Variants in MYBL2 observed in about 807,000 individuals in gnomAD.
MYBL2 encodes myb-related protein B.
Under a neutral mutation model 79.9 loss-of-function variants are expected in MYBL2, and 28 were observed. That is an observed-to-expected ratio of 0.35 (90% CI 0.26 to 0.48). The LOEUF (loss-of-function observed/expected upper bound fraction) is 0.48, where lower values mean the gene tolerates loss of function less well. MYBL2 is among the 20% of genes least tolerant of loss of function. The pLI is 0.99. For missense variants in MYBL2, 735 were observed against 893.9 expected, an observed-to-expected ratio of 0.82 and a Z score of 2.27; for synonymous variants, 378 against 361.2, an observed-to-expected ratio of 1.05 and a Z score of -0.53.
chr20:43,678,683 C>A (rs1350014608), intron 2 of MYBL2, among the ~76,000 whole-genome samples: 2 of 151,764 alleles, frequency 1.3e-5, no homozygotes, highest in Admixed American at 1.3e-4. Context: ...ATGGCTGAAT[C>A]CTGTCTCTAC....
intron 6 of MYBL2, among the ~76,000 whole-genome samples, chr20:43,692,780 TA>T (rs1456817487): frequency 6.6e-6 from 1 of 151,846 alleles, no homozygotes; most frequent in Non-Finnish European, 1.5e-5. Context: ...TCTTTTTAAT[TA>T]AAAAAAATTA....
intron 1 of MYBL2, among the ~76,000 whole-genome samples, chr20:43,670,909 T>C (rs891750428): frequency 1.3e-5 from 2 of 151,948 alleles, no homozygotes; most frequent in African/African-American, 4.8e-5. Flanking sequence ...GGGGAAAGAT[T>C]ACTAACTTTC....
intron 2 of MYBL2, among the ~76,000 whole-genome samples, chr20:43,678,951 A>C (rs112724071): frequency 0.029 from 4,425 of 151,634 alleles, 235 homozygotes; most frequent in African/African-American, 0.1. Context: ...GTGCCAGGCA[A>C]GCAAGAGGTG....
At chr20:43,679,673 T>C (rs1189769681) in intron 2 of MYBL2, among the ~76,000 whole-genome samples, 1 of 152,024 alleles carries the variant, frequency 6.6e-6, no homozygotes, top group Non-Finnish European at 1.5e-5. Flanking sequence ...CCCAGCACTT[T>C]GGGAGGCCGA....
At chr20:43,695,788 A>G (rs1987526660) in intron 6 of MYBL2, among the ~76,000 whole-genome samples, 1 of 152,146 alleles carries the variant, frequency 6.6e-6, no homozygotes, top group East Asian at 1.9e-4. Context: ...CAACAGAGTG[A>G]GACTCTGTCT....
Position 43,687,036 on chromosome 20 carries a change from A to G in MYBL2, c.464A>G (p.Asn155Ser). The G allele has an allele frequency of 6.2e-7, 1 of 1,613,472 alleles. No homozygotes were observed. The highest frequency in any genetic ancestry group is 8.5e-7 in the Non-Finnish European group (1 of 1,179,982). ...TGCGAGGCCCACAAGGTGCTGGGCA[A>G]CCGCTGGGCCGAGATCGCCAAGATG... ...IICEAHKVLGNRWAEIAKMLP... is the reference protein window; with the variant it reads ...IICEAHKVLGSRWAEIAKMLP... The change falls in exon 5 of 14, where the codon AAC (asparagine) becomes AGC (serine). Residue 155 changes from asparagine (N) to serine (S), a missense_variant. Physicochemically the swap from Asn to Ser is conservative, Grantham distance 46 (BLOSUM62 1). Transcript: ENST00000217026.
chr20:43,685,835 C>T (rs1987260135), intron 4 of MYBL2, among the ~76,000 whole-genome samples: 1 of 151,782 alleles, frequency 6.6e-6, no homozygotes, highest in Non-Finnish European at 1.5e-5. Context: ...GTCGGGAGTT[C>T]AAGACCAGCC....
At chr20:43,679,269 GTTGTGACCAATTTTTCT>G (rs1312452812) in intron 2 of MYBL2, among the ~76,000 whole-genome samples, 1 of 152,128 alleles carries the variant, frequency 6.6e-6, no homozygotes, top group Non-Finnish European at 1.5e-5. Flanking sequence ...CGTGGGCCAC[GTTGTGACCAATTTTTCT>G]GTCTAGGAGC....
Position 43,692,259 on chromosome 20 carries a change from C to T in MYBL2, c.603C>T (p.Tyr201=). ...CCAAAGACTGCAAGCCCCCAGTGTA[C>T]TTGCTGCTGGAGCTCGAGGACAAGG... ...SESKDCKPPV[Y]LLLELEDKDG... Residue 201 remains tyrosine, a synonymous_variant, in exon 6 of 14, where the codon TAC becomes TAT. Transcript: ENST00000217026. The T allele has an allele frequency of 6.2e-7, 1 of 1,614,220 alleles. No individual in the cohort carries two copies. Among genetic ancestry groups the T allele is most frequent in the Non-Finnish European group, 8.5e-7 (1 of 1,180,034 alleles).
intron 5 of MYBL2, among the ~76,000 whole-genome samples, chr20:43,691,842 A>ATT (rs879641028): frequency 2.1e-5 from 3 of 142,744 alleles, no homozygotes; most frequent in African/African-American, 5.1e-5. Flanking sequence ...GCACTCGGCA[A>ATT]TTTTTTTTTT....
chr20:43,686,535 C>T (rs1987277240), intron 4 of MYBL2, among the ~76,000 whole-genome samples: 1 of 152,176 alleles, frequency 6.6e-6, no homozygotes, highest in Admixed American at 6.5e-5. Flanking sequence ...GGGTTGAGCC[C>T]TGGAGAGGGA....
rs112903098 is a variant in MYBL2 at position 43,711,401 on chromosome 20, C to T, written c.1606-87C>T. ...CCTTCCTGCCTTACCCAGGACAGCC[C>T]AGTTGCAGCTGGGTTGGTCCCACAG... On this transcript the variant is annotated intron_variant, in intron 10 of 13. Transcript: ENST00000217026. 168 of 969,302 alleles carry T rather than the reference C, an allele frequency of 1.7e-4. 1 individual carries two copies. In the African/African-American group the frequency reaches 2.1e-3, roughly 12 times the overall value. The allele number at this position is 969,302 out of a possible 1,614,324, so 60.0% of individuals were successfully genotyped here.
At chr20:43,705,945 CT>C (rs1987772959) in intron 9 of MYBL2, among the ~76,000 whole-genome samples, 1 of 152,126 alleles carries the variant, frequency 6.6e-6, no homozygotes, top group African/African-American at 2.4e-5. Flanking sequence ...CGTGATCCTC[CT>C]GCCTCAGCCT....
At chr20:43,694,597 T>C (rs1373018379) in intron 6 of MYBL2, among the ~76,000 whole-genome samples, 2 of 152,234 alleles carry the variant, frequency 1.3e-5, no homozygotes, top group African/African-American at 4.8e-5. Context: ...CTCTATTTCT[T>C]GAATTTTCAA....
chr20:43,710,486 C>G (rs1196523645), intron 10 of MYBL2, among the ~76,000 whole-genome samples: 1 of 152,216 alleles, frequency 6.6e-6, no homozygotes, highest in African/African-American at 2.4e-5. Flanking sequence ...GGACGTCTTT[C>G]CTGCAGTGTG....
intron 2 of MYBL2, among the ~76,000 whole-genome samples, chr20:43,675,613 G>A (rs1433166470): frequency 1.3e-5 from 2 of 151,906 alleles, no homozygotes; most frequent in Non-Finnish European, 2.9e-5. Flanking sequence ...ACGGTGAGCC[G>A]GTTTGATCAC....
chr20:43,691,229 T>C lies in MYBL2; in HGVS notation c.501-928T>C, dbSNP rs8118640. Among the ~76,000 whole-genome samples the C allele has an allele frequency of 9.7e-3, 1,475 of 152,336 alleles. 11 individuals are homozygous for C. Among genetic ancestry groups the C allele is most frequent in the African/African-American group, 0.022 (921 of 41,576 alleles). On this transcript the variant is annotated intron_variant, in intron 5 of 13. Coordinates refer to ENST00000217026, the MANE Select transcript of MYBL2 (RefSeq NM_002466.4). ...ATGAGCAGACAGTGTTGCTTATGGCTTCTACACATTCGAAGTGGGCAGGGA... is the reference window on the plus strand; with the variant it reads ...ATGAGCAGACAGTGTTGCTTATGGCCTCTACACATTCGAAGTGGGCAGGGA...
At chr20:43,672,200 A>G (rs532250652) in intron 1 of MYBL2, among the ~76,000 whole-genome samples, 58 of 6,288 alleles carry the variant, frequency 9.2e-3, no homozygotes, top group Non-Finnish European at 0.031. Context: ...GACAGAGTGA[A>G]ACTCCGTCTC....
chr20:43,677,794 C>A (rs1192865149), intron 2 of MYBL2, among the ~76,000 whole-genome samples: 8 of 151,478 alleles, frequency 5.3e-5, no homozygotes, highest in Non-Finnish European at 5.9e-5. Context: ...ACCACCCCGT[C>A]TGGGAGGTGT....
Sources: gnomAD v4.1 joint callset for allele counts (sites outside exome capture counted in the v4.1 genomes callset) on GRCh38, gnomAD v4.1.1 for gene constraint, MANE v1.5 for transcripts, NCBI Gene and HGNC (gene_info 2026-07-23, HGNC 2026-07-21) for gene names.